PCDHGA2: variants seen among roughly 807,000 people sequenced by gnomAD.
The protein encoded by PCDHGA2 is protocadherin gamma-A2.
In PCDHGA2, 40 loss-of-function variants were observed where a neutral mutation model predicts 59.2. The observed-to-expected ratio is 0.68, with a 90% confidence interval of 0.52 to 0.88. The LOEUF (loss-of-function observed/expected upper bound fraction) is 0.88, where lower values mean the gene tolerates loss of function less well. PCDHGA2 is among the 40% of genes least tolerant of loss of function. PCDHGA2 has a pLI of 0.00. For missense variants in PCDHGA2, 1,226 were observed against 1,204.0 expected, an observed-to-expected ratio of 1.02 and a Z score of -0.27; for synonymous variants, 560 against 526.0, an observed-to-expected ratio of 1.06 and a Z score of -0.89.
chr5:141,393,331 G>A (rs2092730399), intron 1 of PCDHGA2: 1 of 1,613,860 alleles, frequency 6.2e-7, no homozygotes. Flanking sequence ...TACCAGCTCA[G>A]CCCCAATCAC....
intron 1 of PCDHGA2, chr5:141,377,855 G>A (rs1291859496): frequency 6.6e-6 from 1 of 152,074 alleles, no homozygotes; most frequent in Non-Finnish European, 1.5e-5. Flanking sequence ...TTAAAATTAA[G>A]ATTTAAAAGA....
rs1001516677 is a variant in PCDHGA2 at position 141,399,747 on chromosome 5, A to G, written c.2424+58352A>G. On this transcript the variant is annotated intron_variant, in intron 1 of 3. Coordinates refer to ENST00000394576, the MANE Select transcript of PCDHGA2 (RefSeq NM_018915.4). The stretch of plus-strand genomic sequence containing the variant: ...ACCAGGGCTCGCCTGCGCTCAGCGC[A>G]AACGTGAGCCTGCGCGTGTTGGTGG... 3.7e-6 allele frequency: 6 copies of G among 1,613,228 alleles called. No homozygotes were observed. In the African/African-American group the frequency reaches 6.7e-5, roughly 18 times the overall value.
At chr5:141,373,523 C>T (rs2150024723) in intron 1 of PCDHGA2, among the ~76,000 whole-genome samples, 1 of 152,052 alleles carries the variant, frequency 6.6e-6, no homozygotes, top group African/African-American at 2.4e-5. Flanking sequence ...ACTTTGTCTC[C>T]AAAAAAGTGT....
chr5:141,341,280 T>C lies in PCDHGA2; in HGVS notation c.2309T>C (p.Phe770Ser). 2 of 1,614,014 alleles carry C rather than the reference T, an allele frequency of 1.2e-6. No homozygotes were observed. The highest frequency in any genetic ancestry group is 1.7e-6 in the Non-Finnish European group (2 of 1,180,018). ...TADSRKSHLI[F>S]PQPNYADTLI... ...GACTCGCGGAAGAGCCACCTGATTTTCCCCCAGCCCAACTATGCGGACACG... is the reference window on the plus strand; with the variant it reads ...GACTCGCGGAAGAGCCACCTGATTTCCCCCCAGCCCAACTATGCGGACACG... Residue 770 changes from phenylalanine (F) to serine (S), a missense_variant, in exon 1 of 4, where the codon TTC (phenylalanine) becomes TCC (serine). Physicochemically the swap from Phe to Ser is radical, Grantham distance 155 (BLOSUM62 -2). Transcript: ENST00000394576.
chr5:141,352,707 C>A, intron 1 of PCDHGA2: 1 of 1,542,998 alleles, frequency 6.5e-7, no homozygotes, highest in Non-Finnish European at 8.7e-7. Flanking sequence ...TTATATATGG[C>A]GGCCGGGCGC....
At chr5:141,388,991 C>G in intron 1 of PCDHGA2, 1 of 1,613,976 alleles carries the variant, frequency 6.2e-7, no homozygotes. Flanking sequence ...TGCTCAAAGT[C>G]CGTGACAAGG....
Position 141,432,608 on chromosome 5 carries a change from T to G in PCDHGA2, c.2425-62199T>G. ...GCTCAAGGCCAGCGAGCCGGGACTC[T>G]TCTCGGTGGGTCTGCACACGGGCGA... On this transcript the variant is annotated intron_variant, in intron 1 of 3. Transcript: ENST00000394576. This position sits in a 1 kb window ranked among gnomAD's most constrained non-coding sequence, Gnocchi z 6.0. The G allele has an allele frequency of 6.2e-7, 1 of 1,613,864 alleles. No individual in the cohort carries two copies. The highest frequency in any genetic ancestry group is 8.5e-7 in the Non-Finnish European group (1 of 1,179,964).
intron 2 of PCDHGA2, among the ~76,000 whole-genome samples, chr5:141,504,280 C>T (rs1027657223): frequency 6.6e-6 from 1 of 152,076 alleles, no homozygotes; most frequent in Admixed American, 6.6e-5. Context: ...AATTATGAAT[C>T]ATTTCATGTT....
intron 1 of PCDHGA2, among the ~76,000 whole-genome samples, chr5:141,458,719 G>A (rs891521416): frequency 5.9e-5 from 9 of 151,684 alleles, no homozygotes; most frequent in Non-Finnish European, 1.2e-4. Context: ...ACAGGTATTC[G>A]CCACCACATC....
intron 1 of PCDHGA2, chr5:141,370,671 G>T (rs1767112872): frequency 2.5e-6 from 4 of 1,613,888 alleles, no homozygotes; most frequent in Non-Finnish European, 3.4e-6. Context: ...TATAGACCGA[G>T]AGGAGATTTG....
intron 1 of PCDHGA2, 162 bp from the exon 2 acceptor site, chr5:141,494,645 G>A: frequency 1.1e-6 from 1 of 935,948 alleles, no homozygotes. Flanking sequence ...GAGACCTGAG[G>A]TGTATTTTGT....
At chr5:141,488,519 G>C (rs1210943979) in intron 1 of PCDHGA2, among the ~76,000 whole-genome samples, 1 of 152,184 alleles carries the variant, frequency 6.6e-6, no homozygotes, top group Non-Finnish European at 1.5e-5. Flanking sequence ...GGGGTCTGGG[G>C]TGTCAGAAAA....
At chr5:141,458,509 CTTTG>C (rs1327998402) in intron 1 of PCDHGA2, among the ~76,000 whole-genome samples, 2 of 149,986 alleles carry the variant, frequency 1.3e-5, no homozygotes. Context: ...CTGTTTGACA[CTTTG>C]TTTTTTTTTT....
intron 1 of PCDHGA2, chr5:141,433,074 A>C: frequency 6.2e-7 from 1 of 1,614,218 alleles, no homozygotes; most frequent in East Asian, 2.2e-5. Flanking sequence ...ATCTTCCCCC[A>C]GCCCAACTAT....
At chr5:141,481,638 T>G (rs1465682432) in intron 1 of PCDHGA2, among the ~76,000 whole-genome samples, 1 of 152,014 alleles carries the variant, frequency 6.6e-6, no homozygotes, top group Admixed American at 6.6e-5. Context: ...GCCAACATGG[T>G]GAAACTTCAT....
In PCDHGA2 at chr5:141,490,490, C is replaced by A. The variant is rs886264588; in HGVS notation, c.2425-4317C>A. The A allele has an allele frequency of 1.2e-6, 2 of 1,614,184 alleles. No individual in the cohort carries two copies. Among genetic ancestry groups the A allele is most frequent in the Non-Finnish European group, 1.7e-6 (2 of 1,180,028 alleles). ...AGCCAGCCTTTGGACCGGGAGGCCA[C>A]ATCCCACTATATCATCGAGCTGCTG... On this transcript the variant is annotated intron_variant, in intron 1 of 3. Transcript: ENST00000394576. The surrounding 1 kb of genome is among the most constrained non-coding windows in gnomAD (Gnocchi z 5.4).
At position 141,338,821 on chromosome 5, in the gene PCDHGA2, C is replaced by T. The variant is rs915174593; in HGVS notation, c.-151C>T. 2.2e-6 allele frequency: 3 copies of T among 1,388,204 alleles called. No individual in the cohort carries two copies. Among genetic ancestry groups the T allele is most frequent in the Non-Finnish European group, 2.8e-6 (3 of 1,075,944 alleles). The allele number at this position is 1,388,204 out of a possible 1,614,324, so 86.0% of individuals were successfully genotyped here. On this transcript the variant is annotated 5_prime_UTR_variant, in exon 1 of 4. Transcript: ENST00000394576. ...GAGGTTTGGCCCTAAAGCTTCAGGA[C>T]ACCAAAGAAATTCAGTCGAACAGCC...
At chr5:141,423,067 G>C (rs757110751) in intron 1 of PCDHGA2, 36 of 1,614,024 alleles carry the variant, frequency 2.2e-5, no homozygotes, top group Non-Finnish European at 2.9e-5. Context: ...TAAGGCCAGC[G>C]AGCCGGGACT....
chr5:141,367,545 T>TAAAA (rs1466224811), intron 1 of PCDHGA2: 1 of 145,462 alleles, frequency 6.9e-6, no homozygotes, highest in African/African-American at 2.5e-5. Flanking sequence ...TCAAAATAAA[T>TAAAA]AAATAAATAA....
Sources: allele counts gnomAD v4.1 joint callset (sites outside exome capture counted in the v4.1 genomes callset), GRCh38; gene constraint gnomAD v4.1.1; non-coding constraint Gnocchi (gnomAD v3.1); transcripts MANE v1.5; gene names NCBI Gene and HGNC (gene_info 2026-07-23, HGNC 2026-07-21).